Variants in CCDC138 observed in about 807,000 individuals in gnomAD.
CCDC138 encodes coiled-coil domain containing 138.
In CCDC138, 66 loss-of-function variants were observed where a neutral mutation model predicts 82.3. The ratio of observed to expected loss-of-function variants is 0.80; its 90% CI spans 0.66 to 0.98. The LOEUF (loss-of-function observed/expected upper bound fraction) is 0.98, where lower values mean the gene tolerates loss of function less well. Among genes scored for constraint, CCDC138 ranks in the 50% least tolerant of loss-of-function variants. CCDC138 has a pLI of 0.00. For missense variants in CCDC138, 816 were observed against 758.9 expected (o/e 1.08, Z -0.88); for synonymous variants, 297 against 265.4 (o/e 1.12, Z -1.16).
At chr2:108,824,411 G>A (rs537284125) in intron 10 of CCDC138, among the ~76,000 whole-genome samples, 7 of 151,664 alleles carry the variant, frequency 4.6e-5, no homozygotes, top group Non-Finnish European at 7.4e-5. Context: ...AGACACAAAC[G>A]CACATGTTAG....
chr2:108,803,718 A>G (rs919805372), intron 6 of CCDC138, among the ~76,000 whole-genome samples: 1 of 152,160 alleles, frequency 6.6e-6, no homozygotes, highest in African/African-American at 2.4e-5. Flanking sequence ...TTGCTTCTAC[A>G]AGTTTTCTCT....
At chr2:108,851,411 C>T (rs559381558) in intron 12 of CCDC138, among the ~76,000 whole-genome samples, 6 of 152,260 alleles carry the variant, frequency 3.9e-5, no homozygotes, top group African/African-American at 7.2e-5. Flanking sequence ...AAGCAATTCT[C>T]CTGCCTCAGC....
At chr2:108,793,715 G>A (rs1046099530) in intron 4 of CCDC138, among the ~76,000 whole-genome samples, 9 of 151,662 alleles carry the variant, frequency 5.9e-5, no homozygotes, top group Non-Finnish European at 1.3e-4. Context: ...TCCTGCCTCA[G>A]CCTCCCGAGT....
rs1692335961 is a variant in CCDC138 at position 108,854,866 on chromosome 2, G to T, written c.1517-1928G>T. Among the ~76,000 whole-genome samples, 5 of 152,124 alleles carry T rather than the reference G, an allele frequency of 3.3e-5. No individual in the cohort carries two copies. The South Asian group carries it at 1.0e-3, about 31-fold the overall frequency. ...AGTTTAGCCCAGATTCAAAGGGTGG[G>T]CAGTAGAGTTCACCTTTTGATGGCA... On this transcript the variant is annotated intron_variant, in intron 12 of 14. Transcript: ENST00000295124.
chr2:108,812,035 T>TA (rs1332981526), intron 7 of CCDC138, among the ~76,000 whole-genome samples: 1 of 151,908 alleles, frequency 6.6e-6, no homozygotes, highest in South Asian at 2.1e-4. Flanking sequence ...AGTAATATAA[T>TA]AAAAAAATAA....
chr2:108,820,352 C>T (rs1190034538), intron 10 of CCDC138, among the ~76,000 whole-genome samples: 2 of 152,052 alleles, frequency 1.3e-5, no homozygotes, highest in Non-Finnish European at 2.9e-5. Flanking sequence ...AAGTGAACCA[C>T]TATATGTGTA....
intron 4 of CCDC138, among the ~76,000 whole-genome samples, chr2:108,792,134 G>A (rs1680004469): frequency 6.6e-6 from 1 of 152,182 alleles, no homozygotes; most frequent in South Asian, 2.1e-4. Context: ...GCACTGAACT[G>A]CCAGCAGTTT....
rs577074874 is a variant in CCDC138, at chr2:108,810,258, A to G, written c.856-2373A>G. Among the ~76,000 whole-genome samples, 26 of 152,316 alleles carry G rather than the reference A, an allele frequency of 1.7e-4. No homozygotes were observed. The South Asian group carries it at 4.1e-3, about 24-fold the overall frequency. ...AAAAATTTTCAGCTTTTCCCTGTTCAGTATGATGTTAATTGTGTGTTTGTT... is the reference window on the plus strand; with the variant it reads ...AAAAATTTTCAGCTTTTCCCTGTTCGGTATGATGTTAATTGTGTGTTTGTT... On this transcript the variant is annotated intron_variant, in intron 7 of 14. Coordinates refer to ENST00000295124, the MANE Select transcript of CCDC138 (RefSeq NM_144978.3).
chr2:108,849,641 G>A (rs1046604145), intron 12 of CCDC138, among the ~76,000 whole-genome samples: 1 of 151,974 alleles, frequency 6.6e-6, no homozygotes, highest in African/African-American at 2.4e-5. Flanking sequence ...AAAGCTGCAG[G>A]CTCCTCAGCC....
chr2:108,793,652 A>G (rs537065118), intron 4 of CCDC138, among the ~76,000 whole-genome samples: 342 of 150,962 alleles, frequency 2.3e-3, no homozygotes, highest in African/African-American at 7.8e-3. Context: ...GCTGGAGTGC[A>G]GTAGCGCGAT....
intron 11 of CCDC138, among the ~76,000 whole-genome samples, chr2:108,839,752 G>GGAA (rs1574158605): frequency 6.6e-6 from 1 of 151,560 alleles, no homozygotes; most frequent in East Asian, 1.9e-4. Flanking sequence ...ACTAGTTTTA[G>GGAA]GAGTTTTCTT....
At chr2:108,868,331 A>C (rs1281288645) in intron 13 of CCDC138, among the ~76,000 whole-genome samples, 1 of 152,200 alleles carries the variant, frequency 6.6e-6, no homozygotes, top group Admixed American at 6.5e-5. Flanking sequence ...GAGATTGGTT[A>C]TGTCTTCAGG....
intron 4 of CCDC138, 110 bp from the exon 5 acceptor site, chr2:108,794,430 T>C (rs574835777): frequency 9.7e-7 from 1 of 1,035,810 alleles, no homozygotes; most frequent in Middle Eastern, 2.6e-4. Flanking sequence ...TCTTGAAACT[T>C]TTTAATGTTA....
intron 6 of CCDC138, among the ~76,000 whole-genome samples, chr2:108,799,460 T>C (rs1681528576): frequency 6.6e-6 from 1 of 152,232 alleles, no homozygotes. Context: ...GCTATCCCTT[T>C]CCTCCAGCCT....
intron 12 of CCDC138, among the ~76,000 whole-genome samples, chr2:108,847,691 TG>T (rs1272535931): frequency 6.6e-6 from 1 of 152,218 alleles, no homozygotes; most frequent in Admixed American, 6.5e-5. Context: ...ACCATCTTTC[TG>T]TCTTCCCTGT....
rs144518921 is a variant in CCDC138 at position 108,811,245 on chromosome 2, C to CTTTTTTTTTTTTTTTTTTTTTTT, written c.856-1385_856-1384insTTTTTTTTTTTTTTTTTTTTTTT. Among the ~76,000 whole-genome samples, 16 of 109,630 alleles carry CTTTTTTTTTTTTTTTTTTTTTTT rather than the reference C, an allele frequency of 1.5e-4. 1 individual carries two copies. Among genetic ancestry groups the CTTTTTTTTTTTTTTTTTTTTTTT allele is most frequent in the South Asian group, 3.0e-4 (1 of 3,330 alleles). The allele number at this position is 109,630 out of a possible 152,430, so 71.9% of individuals were successfully genotyped here. A position where few individuals can be genotyped will look rare whatever the true frequency, so the allele number is the denominator to read the frequency against. ...CTCTCCCTTTTCTTTCTTTCTCTCT[C>CTTTTTTTTTTTTTTTTTTTTTTT]TCTTTTTTTTTTTTTTTGACTGTCT... is the stretch of plus-strand genomic sequence containing the variant. On this transcript the variant is annotated intron_variant, in intron 7 of 14. Coordinates refer to ENST00000295124, the MANE Select transcript of CCDC138 (RefSeq NM_144978.3).
At chr2:108,828,819 A>G (rs1255142894) in intron 10 of CCDC138, among the ~76,000 whole-genome samples, 1 of 152,132 alleles carries the variant, frequency 6.6e-6, no homozygotes, top group Non-Finnish European at 1.5e-5. Context: ...TGTACTAAAA[A>G]TACCAAAAAT....
chr2:108,832,875 C>T (rs963548041), intron 10 of CCDC138, among the ~76,000 whole-genome samples: 5 of 152,052 alleles, frequency 3.3e-5, no homozygotes, highest in African/African-American at 1.2e-4. Flanking sequence ...AGTGGAGTCA[C>T]CTGCTGTTCT....
chr2:108,883,787 C>G (rs1323234986), intron 2 of CCDC138: 1 of 152,258 alleles, frequency 6.6e-6, no homozygotes, highest in Non-Finnish European at 1.5e-5. Flanking sequence ...GTCTGCCCCT[C>G]TTGGTTTCCC....
Sources: allele counts gnomAD v4.1 joint callset (sites outside exome capture counted in the v4.1 genomes callset), GRCh38; gene constraint gnomAD v4.1.1; transcripts MANE v1.5; gene names NCBI Gene and HGNC (gene_info 2026-07-23, HGNC 2026-07-21).